TRMT10A: variants seen among roughly 807,000 people sequenced by gnomAD.
The protein encoded by TRMT10A is tRNA methyltransferase 10A.
TRMT10A carries 37 observed loss-of-function variants against 40.4 expected under a neutral mutation model. The ratio of observed to expected loss-of-function variants is 0.92; its 90% CI spans 0.71 to 1.21. TRMT10A has a LOEUF of 1.21. Ranked by LOEUF, TRMT10A falls within the 50% of genes most tolerant of loss-of-function variation. The pLI is 0.00. For synonymous variants in TRMT10A, 103 were observed against 134.1 expected (o/e 0.77, Z 1.60); for missense variants, 388 against 404.3 (o/e 0.96, Z 0.35).
chr4:99,556,359 T>A (rs1334059797), intron 4 of TRMT10A, 139 bp from the exon 5 acceptor site: 3 of 743,066 alleles, frequency 4.0e-6, no homozygotes, highest in Non-Finnish European at 6.4e-6. Flanking sequence ...AAAAAATTTG[T>A]GACATGCTTT....
rs185212914 is a variant in TRMT10A, at chr4:99,560,587, A to T, written c.-23-1226T>A. ...CTTGAATGCATTCATTAATTTTTTTAAAAAAAATCTAGAAAGTAAGGTAAG... is the reference window on the plus strand; with the variant it reads ...CTTGAATGCATTCATTAATTTTTTTTAAAAAAATCTAGAAAGTAAGGTAAG... On this transcript the variant is annotated intron_variant, in intron 1 of 7. Transcript: ENST00000394876. 3.2e-3 allele frequency among the ~76,000 whole-genome samples: 491 copies of T among 152,148 alleles called. 5 individuals carry two copies. The highest frequency in any genetic ancestry group is 7.6e-3 in the African/African-American group (315 of 41,524).
At chr4:99,552,891 G>T (rs564450730) in intron 6 of TRMT10A, among the ~76,000 whole-genome samples, 14 of 151,864 alleles carry the variant, frequency 9.2e-5, no homozygotes, top group South Asian at 2.1e-4. Context: ...TACTTGGTGG[G>T]GGGGGGAGGC....
chr4:99,562,313 C>T (rs1724446461), intron 1 of TRMT10A, among the ~76,000 whole-genome samples: 1 of 150,330 alleles, frequency 6.7e-6, no homozygotes, highest in African/African-American at 2.4e-5. Flanking sequence ...AACTATCTCA[C>T]TTTGTAAGGC....
At chr4:99,563,786 T>G (rs2110199806) in intron 1 of TRMT10A, 127 bp downstream of exon 1, 1 of 542,870 alleles carries the variant, frequency 1.8e-6, no homozygotes, top group African/African-American at 1.9e-5. Flanking sequence ...GGAAACCACT[T>G]CCACACCACT....
intron 6 of TRMT10A, among the ~76,000 whole-genome samples, chr4:99,551,813 G>A (rs1033239219): frequency 5.9e-5 from 9 of 151,916 alleles, no homozygotes; most frequent in African/African-American, 1.7e-4. Flanking sequence ...AGATGTAGAG[G>A]TAGAAGACAG....
At chr4:99,560,305 AAGAATCAGTGAAAAAGAAC>A (rs889869708) in intron 1 of TRMT10A, among the ~76,000 whole-genome samples, 2 of 152,308 alleles carry the variant, frequency 1.3e-5, no homozygotes, top group African/African-American at 4.8e-5. Flanking sequence ...AAAGTAAAAC[AAGAATCAGTGAAAAAGAAC>A]AGAATCAGTG....
At chr4:99,551,090 T>TA (rs370608163) in intron 6 of TRMT10A, 100 bp from the exon 7 acceptor site, 17 of 820,958 alleles carry the variant, frequency 2.1e-5, no homozygotes, top group Non-Finnish European at 2.8e-5. Flanking sequence ...GTTCAGAGAA[T>TA]TTATAGTTCA....
chr4:99,563,806 TC>T, intron 1 of TRMT10A, 106 bp downstream of exon 1: 1 of 607,554 alleles, frequency 1.6e-6, no homozygotes, highest in Non-Finnish European at 3.1e-6. Context: ...TGCTCCCCTC[TC>T]CCCCGGAAGC....
chr4:99,547,515 T>G lies in TRMT10A; in HGVS notation c.*1573A>C, dbSNP rs1234103247. ...AAACAGTGCCCTATTTTACATAAAATAATTTAAGTAAAAGGCATAATATTT... is the reference window on the plus strand; with the variant it reads ...AAACAGTGCCCTATTTTACATAAAAGAATTTAAGTAAAAGGCATAATATTT... On this transcript the variant is annotated 3_prime_UTR_variant, in exon 8 of 8. Transcript: ENST00000394876. 2.6e-5 allele frequency: 4 copies of G among 152,138 alleles called. No homozygotes were observed. Among genetic ancestry groups the G allele is most frequent in the African/African-American group, 9.6e-5 (4 of 41,456 alleles). The allele number at this position is 152,138 out of a possible 1,614,324, so 9.4% of individuals were successfully genotyped here. A position where few individuals can be genotyped will look rare whatever the true frequency, so the allele number is the denominator to read the frequency against.
intron 5 of TRMT10A, among the ~76,000 whole-genome samples, chr4:99,555,353 A>C (rs1724124685): frequency 6.6e-6 from 1 of 152,300 alleles, no homozygotes; most frequent in South Asian, 2.1e-4. Flanking sequence ...TTTGAGAAAG[A>C]AAAAAGGTAT....
At chr4:99,550,833 T>C (rs1723932147) in intron 7 of TRMT10A, 52 bp downstream of exon 7, 2 of 1,299,038 alleles carry the variant, frequency 1.5e-6, no homozygotes, top group Non-Finnish European at 2.2e-6. Flanking sequence ...TGTAATATTC[T>C]TTCTCACAAT....
chr4:99,554,722 C>CAAAAAAAAAAAAAAAAAAAAAA (rs532448105), intron 5 of TRMT10A, among the ~76,000 whole-genome samples: 8 of 90,848 alleles, frequency 8.8e-5, no homozygotes, highest in Non-Finnish European at 1.7e-4. Flanking sequence ...GACTACGTTT[C>CAAAAAAAAAAAAAAAAAAAAAA]AAAAAAAAAA....
intron 3 of TRMT10A, chr4:99,557,687 A>C (rs1244520712): frequency 2.5e-6 from 1 of 403,714 alleles, no homozygotes; most frequent in Non-Finnish European, 4.4e-6. Flanking sequence ...AAGAGACAAC[A>C]ACAAGACTTT....
chr4:99,559,949 TAC>T (rs1482531489), intron 1 of TRMT10A, among the ~76,000 whole-genome samples: 1 of 152,102 alleles, frequency 6.6e-6, no homozygotes, highest in African/African-American at 2.4e-5. Flanking sequence ...TAAAAAGGTA[TAC>T]ACACACACGT....
chr4:99,551,072 GATTTATAGTTCAGAGA>G (rs11274750), intron 6 of TRMT10A, 82 bp from the exon 7 acceptor site: 192,084 of 907,742 alleles, frequency 0.21, 24,703 homozygotes, highest in South Asian at 0.3. Flanking sequence ...TTTTAGATAA[GATTTATAGTTCAGAGA>G]ATTTATAGTT....
Position 99,549,054 on chromosome 4 carries a change from A to T in TRMT10A, c.*34T>A, listed in dbSNP as rs769787692. 43 of 1,603,334 alleles carry T rather than the reference A, an allele frequency of 2.7e-5. No individual in the cohort carries two copies. The highest frequency in any genetic ancestry group is 5.1e-6 in the Non-Finnish European group (6 of 1,172,378). On this transcript the variant is annotated 3_prime_UTR_variant, in exon 8 of 8. Transcript: ENST00000394876. ...CTATATAGCACCTCACTTTCTCCTA[A>T]TTTTTCCTTAAACTAAAAGGAAACC... is the stretch of plus-strand genomic sequence containing the variant.
Position 99,553,844 on chromosome 4 carries a change from C to T in TRMT10A, c.586G>A (p.Glu196Lys). 1 of 1,613,224 alleles carries T rather than the reference C, an allele frequency of 6.2e-7. No homozygotes were observed. The highest frequency in any genetic ancestry group is 8.5e-7 in the Non-Finnish European group (1 of 1,179,496). Reference sequence around the variant, plus strand: ...ACATAGGCCTTTGATTCATCTAATTCCTTCAGTATATTAGGTGAATCTGAC... The same window carrying T: ...ACATAGGCCTTTGATTCATCTAATTTCTTCAGTATATTAGGTGAATCTGAC... ...LTSDSPNILKELDESKAYVIG... is the reference protein window; with the variant it reads ...LTSDSPNILKKLDESKAYVIG... Residue 196 changes from glutamate (E) to lysine (K), a missense_variant, in exon 6 of 8, where the codon GAA becomes AAA. Glu to Lys is a moderately conservative substitution (Grantham distance 56). Coordinates refer to ENST00000394876, the MANE Select transcript of TRMT10A (RefSeq NM_001134665.3).
Position 99,558,071 on chromosome 4 carries a change from A to G in TRMT10A, c.326T>C (p.Phe109Ser). Residue 109 changes from phenylalanine (F) to serine (S), a missense_variant, in exon 3 of 8, where the codon TTT becomes TCT. Coordinates refer to ENST00000394876, the MANE Select transcript of TRMT10A (RefSeq NM_001134665.3). The part of the protein sequence containing the change: ...STLRLIIDCS[F>S]DHLMVLKDIK... Reference sequence around the variant, plus strand: ...TACCTTTAATACCATCAAGTGATCAAAACTACAGTCAATAATAAGGCGAAG... The same window carrying G: ...TACCTTTAATACCATCAAGTGATCAGAACTACAGTCAATAATAAGGCGAAG... The G allele has an allele frequency of 6.2e-7, 1 of 1,602,842 alleles. No homozygotes were observed. Among genetic ancestry groups the G allele is most frequent in the Non-Finnish European group, 8.5e-7 (1 of 1,176,760 alleles).
At chr4:99,557,472 TATG>T in intron 3 of TRMT10A, 56 bp from the exon 4 acceptor site, 2 of 1,491,498 alleles carry the variant, frequency 1.3e-6, no homozygotes, top group South Asian at 2.3e-5. Context: ...ATGGCCATTC[TATG>T]ATCTTAAAGG....
Sources: allele counts gnomAD v4.1 joint callset (sites outside exome capture counted in the v4.1 genomes callset), GRCh38; gene constraint gnomAD v4.1.1; transcripts MANE v1.5; gene names NCBI Gene and HGNC (gene_info 2026-07-23, HGNC 2026-07-21).